The following STXBP5L variants were observed in gnomAD, a reference collection of about 807,000 sequenced individuals.
STXBP5L encodes syntaxin-binding protein 5-like.
STXBP5L carries 65 observed loss-of-function variants against 144.5 expected under a neutral mutation model. That is an observed-to-expected ratio of 0.45 (90% CI 0.37 to 0.55). STXBP5L has a LOEUF of 0.55. Among genes scored for constraint, STXBP5L ranks in the 20% least tolerant of loss-of-function variants. The pLI is 0.00. For missense variants in STXBP5L, 1,298 were observed against 1,405.5 expected, an observed-to-expected ratio of 0.92 and a Z score of 1.22; for synonymous variants, 505 against 469.6, an observed-to-expected ratio of 1.08 and a Z score of -0.97.
At chr3:120,921,956 T>C (rs1411086883) in intron 2 of STXBP5L, among the ~76,000 whole-genome samples, 2 of 152,004 alleles carry the variant, frequency 1.3e-5, no homozygotes, top group Non-Finnish European at 2.9e-5. Flanking sequence ...GGATCTTTTG[T>C]GGTTTCATAT....
intron 7 of STXBP5L, among the ~76,000 whole-genome samples, chr3:121,122,232 A>G (rs2044500096): frequency 6.7e-6 from 1 of 149,390 alleles, no homozygotes; most frequent in Admixed American, 6.7e-5. Context: ...TTAATTAATT[A>G]ATATTAATAA....
intron 22 of STXBP5L, among the ~76,000 whole-genome samples, chr3:121,401,755 G>C (rs1349305415): frequency 1.2e-5 from 1 of 84,846 alleles, no homozygotes; most frequent in Non-Finnish European, 2.6e-5. Context: ...GGGGTCGGGG[G>C]AGGGGGGAGG....
intron 23 of STXBP5L, among the ~76,000 whole-genome samples, chr3:121,408,925 C>T (rs939767154): frequency 4.0e-5 from 6 of 151,564 alleles, no homozygotes; most frequent in African/African-American, 9.7e-5. Flanking sequence ...ACTTAGATAA[C>T]GGTTATGTTA....
intron 3 of STXBP5L, among the ~76,000 whole-genome samples, chr3:120,999,745 A>G (rs1461343399): frequency 1.3e-5 from 2 of 152,186 alleles, no homozygotes; most frequent in African/African-American, 4.8e-5. Flanking sequence ...ACTTCCTTAA[A>G]GAGCTCTTGT....
intron 3 of STXBP5L, among the ~76,000 whole-genome samples, chr3:120,959,372 G>C (rs1938461249): frequency 1.3e-5 from 2 of 152,138 alleles, no homozygotes; most frequent in African/African-American, 4.8e-5. Context: ...AGCTACCAAT[G>C]ACTTTCTTCA....
intron 20 of STXBP5L, among the ~76,000 whole-genome samples, chr3:121,346,198 T>C (rs374317613): frequency 6.8e-6 from 1 of 147,510 alleles, no homozygotes; most frequent in East Asian, 2.1e-4. Flanking sequence ...AGTGAGAACA[T>C]GAGTGTTTGA....
Position 121,041,744 on chromosome 3 carries a change from G to T in STXBP5L, c.332G>T (p.Gly111Val), listed in dbSNP as rs764512402. ...GATTGCTATTGCCAACATGAAAGTGGTGCAGCTGTCCTACAGCTCCAATTT... is the reference window on the plus strand; with the variant it reads ...GATTGCTATTGCCAACATGAAAGTGTTGCAGCTGTCCTACAGCTCCAATTT... ...GVDCYCQHES[G>V]AAVLQLQFLI... Residue 111 changes from glycine to valine, a missense_variant, in exon 4 of 27, where the codon GGT becomes GTT. Physicochemically the swap from Gly to Val is moderately radical, Grantham distance 109. Transcript: ENST00000471454. 11 of 1,612,786 alleles carry T rather than the reference G, an allele frequency of 6.8e-6. 1 individual carries two copies. The highest frequency in any genetic ancestry group is 5.5e-5 in the South Asian group (5 of 91,048).
chr3:120,994,712 T>C (rs1043545869), intron 3 of STXBP5L, among the ~76,000 whole-genome samples: 7 of 152,182 alleles, frequency 4.6e-5, no homozygotes, highest in Non-Finnish European at 1.0e-4. Flanking sequence ...TGCATCTTTT[T>C]TCATCATGAG....
chr3:121,387,009 A>G (rs969472596), intron 22 of STXBP5L, among the ~76,000 whole-genome samples: 1 of 152,184 alleles, frequency 6.6e-6, no homozygotes, highest in African/African-American at 2.4e-5. Context: ...GAACTAATTT[A>G]CACTCCCACC....
intron 9 of STXBP5L, among the ~76,000 whole-genome samples, chr3:121,168,113 A>G (rs2046568441): frequency 6.6e-6 from 1 of 152,202 alleles, no homozygotes; most frequent in South Asian, 2.1e-4. Context: ...AGGAAAACTG[A>G]CAAACAGAAA....
At chr3:121,172,912 A>G (rs1328651571) in intron 9 of STXBP5L, among the ~76,000 whole-genome samples, 2 of 152,202 alleles carry the variant, frequency 1.3e-5, no homozygotes, top group Non-Finnish European at 2.9e-5. Flanking sequence ...TCACAATAGC[A>G]AATACTTGGA....
intron 19 of STXBP5L, among the ~76,000 whole-genome samples, chr3:121,313,761 G>A (rs1458342319): frequency 8.1e-5 from 11 of 136,534 alleles, no homozygotes; most frequent in Non-Finnish European, 1.1e-4. Flanking sequence ...CCTCCCGGAC[G>A]GGGTGGCTGC....
chr3:120,984,632 C>CTTTTTTTTTTTTTTTTTTTTTTTT lies in STXBP5L; in HGVS notation c.287+29617_287+29618insTTTTTTTTTTTTTTTTTTTTTTTT, dbSNP rs35656223. ...TGGATGCCTTTCATTTCTTTCTTTC[C>CTTTTTTTTTTTTTTTTTTTTTTTT]TTTTTTTTTTTTTTTTTTTTTTGCC... On this transcript the variant is annotated intron_variant, in intron 3 of 26. Coordinates refer to ENST00000471454, the MANE Select transcript of STXBP5L (RefSeq NM_001308330.2). 4.7e-4 allele frequency among the ~76,000 whole-genome samples: 34 copies of CTTTTTTTTTTTTTTTTTTTTTTTT among 71,962 alleles called. 2 individuals carry two copies. The highest frequency in any genetic ancestry group is 1.3e-3 in the Admixed American group (6 of 4,558). The allele number at this position is 71,962 out of a possible 152,430, so 47.2% of individuals were successfully genotyped here.
chr3:120,964,716 G>T (rs182483194), intron 3 of STXBP5L, among the ~76,000 whole-genome samples: 1 of 152,326 alleles, frequency 6.6e-6, no homozygotes, highest in Admixed American at 6.5e-5. Context: ...TGAAACAAGT[G>T]TGATGTGGTG....
chr3:121,189,370 C>T lies in STXBP5L; in HGVS notation c.878-16553C>T, dbSNP rs2047539507. On this transcript the variant is annotated intron_variant, in intron 9 of 26. Transcript: ENST00000471454. ...ACTGTTTTAGGTCTAACATTTAAGT[C>T]TTTAATCCATCTTGAATTAATTTTT... Among the ~76,000 whole-genome samples, 2 of 152,188 alleles carry T rather than the reference C, an allele frequency of 1.3e-5. 1 individual carries two copies. Among genetic ancestry groups the T allele is most frequent in the South Asian group, 4.1e-4 (2 of 4,836 alleles).
intron 3 of STXBP5L, among the ~76,000 whole-genome samples, chr3:120,973,239 G>A (rs971282284): frequency 1.1e-4 from 17 of 152,088 alleles, no homozygotes; most frequent in South Asian, 2.1e-4. Flanking sequence ...ATTACTGATT[G>A]ACTTTACTGC....
chr3:121,087,071 A>T lies in STXBP5L; in HGVS notation c.471-27854A>T, dbSNP rs560137515. ...TATTTTATATAACTTGAGTTATTTTAAAATTGTTGAGGTTTGTTTTTCAAC... is the reference window on the plus strand; with the variant it reads ...TATTTTATATAACTTGAGTTATTTTTAAATTGTTGAGGTTTGTTTTTCAAC... On this transcript the variant is annotated intron_variant, in intron 5 of 26. Coordinates refer to ENST00000471454, the MANE Select transcript of STXBP5L (RefSeq NM_001308330.2). Among the ~76,000 whole-genome samples, 12 of 152,136 alleles carry T rather than the reference A, an allele frequency of 7.9e-5. 1 individual carries two copies. The highest frequency in any genetic ancestry group is 2.0e-4 in the Admixed American group (3 of 15,256).
At chr3:121,318,758 A>T (rs1331290405) in intron 20 of STXBP5L, among the ~76,000 whole-genome samples, 2 of 152,220 alleles carry the variant, frequency 1.3e-5, no homozygotes, top group African/African-American at 4.8e-5. Context: ...ATCAGAGGTA[A>T]AAGTGCAACA....
At chr3:120,917,817 T>C (rs1165208695) in intron 2 of STXBP5L, among the ~76,000 whole-genome samples, 1 of 152,272 alleles carries the variant, frequency 6.6e-6, no homozygotes, top group East Asian at 1.9e-4. Flanking sequence ...ATCTGTGCTT[T>C]ATGTCCTTTC....
Sources: allele counts gnomAD v4.1 joint callset (sites outside exome capture counted in the v4.1 genomes callset), GRCh38; gene constraint gnomAD v4.1.1; transcripts MANE v1.5; gene names NCBI Gene and HGNC (gene_info 2026-07-23, HGNC 2026-07-21).